Variants in ANKRD24 observed in about 807,000 individuals in gnomAD.
ANKRD24 encodes the protein ankyrin repeat domain-containing protein 24.
Under a neutral mutation model 127.8 loss-of-function variants are expected in ANKRD24, and 109 were observed. The ratio of observed to expected loss-of-function variants is 0.85; its 90% confidence interval spans 0.73 to 1.00. The LOEUF (loss-of-function observed/expected upper bound fraction) is 1.00, where lower values mean the gene tolerates loss of function less well. ANKRD24 is among the 50% of genes least tolerant of loss of function. The pLI, the probability that ANKRD24 is intolerant of heterozygous loss-of-function variation, is 0.00. For synonymous variants in ANKRD24, 743 were observed against 671.1 expected (o/e 1.11, Z -1.66); for missense variants, 1,648 against 1,570.2 (o/e 1.05, Z -0.84).
rs1337920712 is a variant in ANKRD24, at chr19:4,223,395, A to ATT, written c.3297+601_3297+602insTT. Among the ~76,000 whole-genome samples, 94 of 58,936 alleles carry ATT rather than the reference A, an allele frequency of 1.6e-3. 1 individual carries two copies. Among genetic ancestry groups the ATT allele is most frequent in the African/African-American group, 6.7e-3 (81 of 12,168 alleles). 38.7% of individuals were successfully genotyped at this position (58,936 alleles called of 152,430 possible). On this transcript the variant is annotated intron_variant, in intron 20 of 21. Transcript: ENST00000318934. ...TACATATATATATATATATATATAT[A>ATT]TATATATTTTTTTTTTTTTTTTTTT...
chr19:4,201,963 TG>T, intron 5 of ANKRD24, 62 bp from the exon 6 acceptor site: 1 of 1,441,026 alleles, frequency 6.9e-7, no homozygotes, highest in Non-Finnish European at 9.8e-7. Context: ...TGACATGGCT[TG>T]GGGAGCAGCT....
In ANKRD24 at chr19:4,195,049, C is replaced by T. The variant is rs760805527; in HGVS notation, c.37-4634C>T. Among the ~76,000 whole-genome samples, 44 of 126,368 alleles carry T rather than the reference C, an allele frequency of 3.5e-4. No individual in the cohort carries two copies. Among genetic ancestry groups the T allele is most frequent in the East Asian group, 2.6e-3 (7 of 2,736 alleles). The allele number at this position is 126,368 out of a possible 152,430, so 82.9% of individuals were successfully genotyped here. On this transcript the variant is annotated intron_variant, in intron 2 of 21. Coordinates refer to ENST00000318934, the MANE Select transcript of ANKRD24 (RefSeq NM_001393985.1). The surrounding 1 kb of genome is among the most constrained non-coding windows in gnomAD (Gnocchi z 4.2). Reference sequence around the variant, plus strand: ...GTGGTGCGATCTCGGCGTGAGCCACCGCGCCCAGGTTTTTGTTTGTTTGTT... The same window carrying T: ...GTGGTGCGATCTCGGCGTGAGCCACTGCGCCCAGGTTTTTGTTTGTTTGTT...
chr19:4,204,208 G>A (rs942766946), intron 7 of ANKRD24, among the ~76,000 whole-genome samples: 3 of 137,322 alleles, frequency 2.2e-5, no homozygotes, highest in Non-Finnish European at 4.7e-5. Context: ...CTCGTGATCC[G>A]CCTGCTCGGC....
intron 2 of ANKRD24, among the ~76,000 whole-genome samples, chr19:4,190,563 A>C (rs376004942): frequency 2.6e-5 from 4 of 151,700 alleles, no homozygotes; most frequent in East Asian, 1.9e-4. Context: ...CCTCTCTACT[A>C]AAAATGCAAA....
chr19:4,189,117 T>C (rs1968230483), intron 2 of ANKRD24, among the ~76,000 whole-genome samples: 1 of 152,146 alleles, frequency 6.6e-6, no homozygotes, highest in Non-Finnish European at 1.5e-5. Flanking sequence ...GCCCATTTTA[T>C]TTTGTTTTTA....
At chr19:4,207,015 C>G (rs1227511312) in intron 7 of ANKRD24, 1 of 575,798 alleles carries the variant, frequency 1.7e-6, no homozygotes, top group Non-Finnish European at 3.1e-6. Context: ...AAGCGGTCCT[C>G]CCGCTTCAGC....
At chr19:4,186,275 G>T (rs1968056084) in intron 1 of ANKRD24, 115 bp from the exon 2 acceptor site, 2 of 1,490,840 alleles carry the variant, frequency 1.3e-6, no homozygotes, top group South Asian at 2.7e-5. Flanking sequence ...TTGCTCTAGG[G>T]GCCAGGACTG....
intron 13 of ANKRD24, among the ~76,000 whole-genome samples, 178 bp downstream of exon 13, chr19:4,210,550 G>C (rs1390280969): frequency 1.3e-5 from 2 of 149,932 alleles, no homozygotes; most frequent in Non-Finnish European, 3.0e-5. Flanking sequence ...CCTGCCTCAG[G>C]GCCTTTGCAC....
At position 4,198,662 on chromosome 19, in the gene ANKRD24, G is replaced by T. The variant is rs741138; in HGVS notation, c.37-1021G>T. ...CGGGAAAGATGGTCGGCGGCGGGGG[G>T]TGGGGGGGAACAGAGGTTGGGGCAG... On this transcript the variant is annotated intron_variant, in intron 2 of 21. Transcript: ENST00000318934. The surrounding 1 kb of genome is among the most constrained non-coding windows in gnomAD (Gnocchi z 6.1). 3,176 of 401,844 alleles carry T rather than the reference G, an allele frequency of 7.9e-3. 82 individuals carry two copies. Among genetic ancestry groups the T allele is most frequent in the African/African-American group, 0.06 (2,865 of 47,458 alleles). 24.9% of individuals were successfully genotyped at this position (401,844 alleles called of 1,614,324 possible).
chr19:4,195,787 G>A lies in ANKRD24; in HGVS notation c.37-3896G>A, dbSNP rs148389107. Among the ~76,000 whole-genome samples the A allele has an allele frequency of 1.5e-4, 23 of 152,262 alleles. No individual in the cohort carries two copies. In the East Asian group the frequency reaches 2.5e-3, roughly 17 times the overall value. ...CGTGTGCCTGTAATCCCAGCTACTC[G>A]GGAAGCTGAAGCAGGAGAATTGCTT... On this transcript the variant is annotated intron_variant, in intron 2 of 21. Transcript: ENST00000318934. This position sits in a 1 kb window ranked among gnomAD's most constrained non-coding sequence, Gnocchi z 4.2.
chr19:4,217,831 G>A lies in ANKRD24; in HGVS notation c.2671G>A (p.Ala891Thr). The change falls in exon 18 of 22, where the codon GCC becomes ACC. Residue 891 changes from alanine (A) to threonine (T), a missense_variant. Transcript: ENST00000318934. The stretch of plus-strand genomic sequence containing the variant: ...GGCCCGAGTGGCTGAGCTGCCTGCG[G>A]CCTGCGAGGAGGCGCGGCAGGGCCT... ...AEARVAELPA[A>T]CEEARQGLAE... 7.0e-7 allele frequency: 1 copy of A among 1,421,844 alleles called. No homozygotes were observed. The highest frequency in any genetic ancestry group is 9.1e-7 in the Non-Finnish European group (1 of 1,092,902). 88.1% of individuals were successfully genotyped at this position (1,421,844 alleles called of 1,614,324 possible).
chr19:4,204,696 C>G (rs1026366468), intron 7 of ANKRD24, among the ~76,000 whole-genome samples: 2 of 152,214 alleles, frequency 1.3e-5, no homozygotes, highest in African/African-American at 4.8e-5. Flanking sequence ...CAAGAAACAT[C>G]TGTTCTTTCG....
rs1228724918 is a variant in ANKRD24, at chr19:4,198,257, C to T, written c.37-1426C>T. The stretch of plus-strand genomic sequence containing the variant: ...CGGCGCCCCTTCCCTCAGCCCCCAG[C>T]CCCCAGCCCCCTACCTGGGTCTTCC... On this transcript the variant is annotated intron_variant, in intron 2 of 21. Coordinates refer to ENST00000318934, the MANE Select transcript of ANKRD24 (RefSeq NM_001393985.1). This position sits in a 1 kb window ranked among gnomAD's most constrained non-coding sequence, Gnocchi z 6.1. 8.5e-6 allele frequency: 4 copies of T among 470,064 alleles called. No individual in the cohort carries two copies. The highest frequency in any genetic ancestry group is 1.1e-5 in the Non-Finnish European group (3 of 266,506). The allele number at this position is 470,064 out of a possible 1,614,324, so 29.1% of individuals were successfully genotyped here. A position where few individuals can be genotyped will look rare whatever the true frequency, so the allele number is the denominator to read the frequency against.
chr19:4,186,283 C>A, intron 1 of ANKRD24, 107 bp from the exon 2 acceptor site: 2 of 1,499,200 alleles, frequency 1.3e-6, no homozygotes, highest in Non-Finnish European at 1.8e-6. Flanking sequence ...GGGGCCAGGA[C>A]TGGTCAGGAA....
chr19:4,190,705 C>T (rs1347861689), intron 2 of ANKRD24, among the ~76,000 whole-genome samples: 4 of 151,708 alleles, frequency 2.6e-5, no homozygotes, highest in South Asian at 2.1e-4. Context: ...TGCACGATTG[C>T]CCAGCCTGGG....
At chr19:4,213,403 TCC>T (rs1969877844) in intron 15 of ANKRD24, among the ~76,000 whole-genome samples, 1 of 66,014 alleles carries the variant, frequency 1.5e-5, no homozygotes, top group Non-Finnish European at 4.5e-5. Flanking sequence ...CCTTCTTTCT[TCC>T]TTTCCTTTCC....
intron 15 of ANKRD24, among the ~76,000 whole-genome samples, chr19:4,213,218 T>TCTCCTTCCTTCCTTCCCTCC (rs1400700119): frequency 2.0e-5 from 3 of 149,118 alleles, no homozygotes; most frequent in African/African-American, 7.5e-5. Flanking sequence ...TTCTTCCCCT[T>TCTCCTTCCTTCCTTCCCTCC]CTCCTTCCTT....
At chr19:4,222,529 C>T in intron 19 of ANKRD24, 141 bp from the exon 20 acceptor site, 1 of 990,738 alleles carries the variant, frequency 1.0e-6, no homozygotes, top group Middle Eastern at 2.9e-4. Context: ...AGACGTGGCC[C>T]TCAGGCCAGA....
chr19:4,197,684 C>T (rs989119745), intron 2 of ANKRD24, among the ~76,000 whole-genome samples: 6 of 150,202 alleles, frequency 4.0e-5, no homozygotes, highest in African/African-American at 1.2e-4. Flanking sequence ...TGGGTGAGCC[C>T]GTGAATGGGT....
Sources: allele counts gnomAD v4.1 joint callset (sites outside exome capture counted in the v4.1 genomes callset), GRCh38; gene constraint gnomAD v4.1.1; non-coding constraint Gnocchi (gnomAD v3.1); transcripts MANE v1.5; gene names NCBI Gene and HGNC (gene_info 2026-07-23, HGNC 2026-07-21).